MYH15: variants seen among roughly 807,000 people sequenced by gnomAD.
The protein encoded by MYH15 is myosin-15.
Under a neutral mutation model 240.5 loss-of-function variants are expected in MYH15, and 227 were observed. The observed-to-expected ratio is 0.94, with a 90% confidence interval of 0.85 to 1.05. The LOEUF (loss-of-function observed/expected upper bound fraction) is 1.05, where lower values mean the gene tolerates loss of function less well. Ranked by LOEUF, MYH15 falls within the 50% of genes least tolerant of loss-of-function variation. The pLI is 0.00. For missense variants in MYH15, 2,217 were observed against 2,247.5 expected, an observed-to-expected ratio of 0.99 and a Z score of 0.27; for synonymous variants, 785 against 796.7, an observed-to-expected ratio of 0.99 and a Z score of 0.25.
chr3:108,500,998 T>C (rs1173051902), intron 3 of MYH15, among the ~76,000 whole-genome samples: 2 of 152,110 alleles, frequency 1.3e-5, no homozygotes, highest in South Asian at 2.1e-4. Flanking sequence ...GCCCTGCTGA[T>C]TGGATTTGAT....
intron 27 of MYH15, among the ~76,000 whole-genome samples, chr3:108,427,617 A>ACACAAC (rs1553766056): frequency 5.7e-5 from 7 of 122,976 alleles, no homozygotes; most frequent in Non-Finnish European, 1.2e-4. Context: ...ACACACACAC[A>ACACAAC]ACACACACAC....
chr3:108,447,505 A>C (rs1421118736), intron 21 of MYH15, among the ~76,000 whole-genome samples: 1 of 152,108 alleles, frequency 6.6e-6, no homozygotes, highest in Non-Finnish European at 1.5e-5. Context: ...AACCCTCATG[A>C]GACTATGAGC....
At chr3:108,392,376 CA>C (rs895431227) in intron 36 of MYH15, among the ~76,000 whole-genome samples, 1 of 152,194 alleles carries the variant, frequency 6.6e-6, no homozygotes, top group African/African-American at 2.4e-5. Context: ...TGATTCACTA[CA>C]CAAACAAGTT....
At chr3:108,387,376 G>A (rs549709125) in intron 38 of MYH15, among the ~76,000 whole-genome samples, 3 of 152,094 alleles carry the variant, frequency 2.0e-5, no homozygotes, top group Non-Finnish European at 4.4e-5. Flanking sequence ...TTTGATGGCA[G>A]AAAATAGGCC....
At chr3:108,466,844 T>A (rs928514763) in intron 14 of MYH15, among the ~76,000 whole-genome samples, 1 of 152,210 alleles carries the variant, frequency 6.6e-6, no homozygotes, top group Non-Finnish European at 1.5e-5. Context: ...TGGTCTCATC[T>A]GTCTAGTGTT....
rs941224287 is a variant in MYH15 at position 108,459,598 on chromosome 3, GCCTA to G, written c.1933-153_1933-150del. On this transcript the variant is annotated intron_variant, in intron 17 of 40. Transcript: ENST00000693548. ...AATAATGAATTCAACATTCTTTACTGCCTACCAAATGCACATTATTTCTTTCCTA... is the reference window on the plus strand; with the variant it reads ...AATAATGAATTCAACATTCTTTACTGCCAAATGCACATTATTTCTTTCCTA... 9.8e-6 allele frequency: 5 copies of G among 511,282 alleles called. No homozygotes were observed. The Admixed American group carries it at 1.2e-4, about 13-fold the overall frequency. The allele number at this position is 511,282 out of a possible 1,614,324, so 31.7% of individuals were successfully genotyped here.
At chr3:108,431,401 T>C (rs1230651913) in intron 25 of MYH15, among the ~76,000 whole-genome samples, 2 of 152,220 alleles carry the variant, frequency 1.3e-5, no homozygotes, top group African/African-American at 4.8e-5. Flanking sequence ...CTTGTGGTAG[T>C]GACTAAGTCT....
chr3:108,490,231 C>A (rs1301887539), intron 9 of MYH15, among the ~76,000 whole-genome samples: 1 of 152,150 alleles, frequency 6.6e-6, no homozygotes, highest in East Asian at 1.9e-4. Context: ...ACATCTATGG[C>A]AAAAATAATT....
intron 27 of MYH15, among the ~76,000 whole-genome samples, chr3:108,422,342 T>G (rs1356905183): frequency 6.6e-6 from 1 of 151,686 alleles, no homozygotes; most frequent in Non-Finnish European, 1.5e-5. Flanking sequence ...CTCAGCCCCC[T>G]GAGTAGGTGG....
At position 108,492,565 on chromosome 3, in the gene MYH15, T is replaced by C. The variant is rs374250280; in HGVS notation, c.806A>G (p.Gln269Arg). The C allele has an allele frequency of 5.8e-5, 93 of 1,613,614 alleles. 2 individuals carry two copies. In the South Asian group the frequency reaches 6.8e-4, roughly 12 times the overall value. ...YLLEKSRVIF[Q>R]QAGERNYHIF... ...GTGGTAGTTCCTCTCTCCAGCCTGC[T>C]GGAAAATCACCCTGGACTTTTCAAG... The change falls in exon 9 of 41, where the codon CAG (glutamine) becomes CGG (arginine). Residue 269 changes from glutamine (Q) to arginine (R), a missense_variant. Transcript: ENST00000693548.
At chr3:108,448,362 C>T (rs2082945750) in intron 21 of MYH15, among the ~76,000 whole-genome samples, 2 of 151,966 alleles carry the variant, frequency 1.3e-5, no homozygotes, top group Admixed American at 1.3e-4. Flanking sequence ...AGGAGACATA[C>T]TTTAGCTTTG....
chr3:108,495,412 A>T (rs1019496600), intron 7 of MYH15, among the ~76,000 whole-genome samples: 2 of 152,238 alleles, frequency 1.3e-5, no homozygotes, highest in African/African-American at 4.8e-5. Context: ...CTGACTTGTT[A>T]TAAGGGGTTT....
At chr3:108,482,404 GAGA>G (rs1473220068) in intron 11 of MYH15, among the ~76,000 whole-genome samples, 3 of 152,178 alleles carry the variant, frequency 2.0e-5, no homozygotes, top group African/African-American at 7.2e-5. Flanking sequence ...CAAAGAACCT[GAGA>G]AGAAGCCAAA....
At chr3:108,535,469 A>C in the MYH15 span, among the ~76,000 whole-genome samples, 1 of 152,144 alleles carries the variant, frequency 6.6e-6, no homozygotes, top group African/African-American at 2.4e-5. Context: ...CTCCACTCTC[A>C]TGACCTAGTT....
intron 1 of MYH15, among the ~76,000 whole-genome samples, chr3:108,525,705 A>G (rs2083661248): frequency 1.3e-5 from 2 of 152,116 alleles, no homozygotes; most frequent in African/African-American, 4.8e-5. Flanking sequence ...ACACATTGAA[A>G]AAAATGTAAT....
the MYH15 span, among the ~76,000 whole-genome samples, chr3:108,541,443 A>C: frequency 3.1e-4 from 47 of 152,102 alleles, no homozygotes; most frequent in Non-Finnish European, 4.7e-4. Flanking sequence ...ACTAAAGATC[A>C]TCAGGAACCC....
At chr3:108,529,339 C>T (rs761473147), upstream of MYH15, 17 of 1,319,428 alleles carry the variant, frequency 1.3e-5, no homozygotes, top group African/African-American at 3.0e-5. Context: ...ATTGAGGATC[C>T]GATGAGAGAA....
chr3:108,419,828 C>T (rs562070602), intron 28 of MYH15, among the ~76,000 whole-genome samples: 38 of 151,994 alleles, frequency 2.5e-4, no homozygotes, highest in African/African-American at 9.1e-4. Context: ...TGTGTTCATT[C>T]TCTTTTTAAA....
intron 4 of MYH15, 123 bp downstream of exon 4, chr3:108,499,995 C>T: frequency 8.9e-7 from 1 of 1,129,824 alleles, no homozygotes. Flanking sequence ...GAAACAGAGG[C>T]TTCAAGTGAT....
Sources: allele counts gnomAD v4.1 joint callset (sites outside exome capture counted in the v4.1 genomes callset), GRCh38; gene constraint gnomAD v4.1.1; transcripts MANE v1.5; gene names NCBI Gene and HGNC (gene_info 2026-07-23, HGNC 2026-07-21).